The following LRP1B variants were observed in gnomAD, a reference collection of about 807,000 sequenced individuals.
LRP1B encodes LDL receptor related protein 1B.
A neutral mutation model predicts 556.6 loss-of-function variants in LRP1B; 217 were observed. The ratio of observed to expected loss-of-function variants is 0.39; its 90% CI spans 0.35 to 0.44. The LOEUF (loss-of-function observed/expected upper bound fraction) is 0.44, where lower values mean the gene tolerates loss of function less well. Among genes scored for constraint, LRP1B ranks in the 20% least tolerant of loss-of-function variants. The pLI is 1.00. For synonymous variants in LRP1B, 2,047 were observed against 1,865.8 expected (o/e 1.10, Z -2.50); for missense variants, 5,053 against 5,620.8 (o/e 0.90, Z 3.23).
intron 7 of LRP1B, among the ~76,000 whole-genome samples, chr2:141,121,501 T>C (rs1031446134): frequency 2.0e-5 from 3 of 152,122 alleles, no homozygotes; most frequent in South Asian, 2.1e-4. Context: ...CATTCACAAC[T>C]GCTTCAAAGA....
chr2:141,174,893 G>A (rs1680668084), intron 7 of LRP1B, among the ~76,000 whole-genome samples: 1 of 152,030 alleles, frequency 6.6e-6, no homozygotes. Flanking sequence ...TAACAAAATG[G>A]ACAATGAACC....
At chr2:140,302,858 A>G (rs763808691) in intron 83 of LRP1B, among the ~76,000 whole-genome samples, 1 of 151,766 alleles carries the variant, frequency 6.6e-6, no homozygotes, top group Non-Finnish European at 1.5e-5. Flanking sequence ...CCTTAGACTG[A>G]GAGTTACACA....
chr2:141,165,279 G>A (rs1680203525), intron 7 of LRP1B, among the ~76,000 whole-genome samples: 1 of 151,922 alleles, frequency 6.6e-6, no homozygotes, highest in Non-Finnish European at 1.5e-5. Context: ...CAAATTTTTT[G>A]ACACAGTCCA....
intron 7 of LRP1B, among the ~76,000 whole-genome samples, chr2:141,124,688 ATACTT>A (rs1197605301): frequency 3.3e-5 from 5 of 151,956 alleles, no homozygotes; most frequent in Middle Eastern, 6.8e-3. Flanking sequence ...AAAGAAAAAA[ATACTT>A]TAAAGAGCCC....
chr2:140,965,505 A>G (rs2105321085), intron 18 of LRP1B, among the ~76,000 whole-genome samples: 1 of 152,086 alleles, frequency 6.6e-6, no homozygotes, highest in Middle Eastern at 3.4e-3. Flanking sequence ...CTATACATGT[A>G]AATAATAGTT....
chr2:141,242,587 A>G (rs1683917918), intron 5 of LRP1B, among the ~76,000 whole-genome samples: 1 of 152,062 alleles, frequency 6.6e-6, no homozygotes, highest in Admixed American at 6.6e-5. Flanking sequence ...TATAAGCTGT[A>G]ATAGAATCCT....
intron 74 of LRP1B, among the ~76,000 whole-genome samples, chr2:140,357,447 C>T (rs1273984940): frequency 6.6e-6 from 1 of 151,250 alleles, no homozygotes; most frequent in African/African-American, 2.4e-5. Context: ...TAGGATCATA[C>T]ATTTAATTAT....
At chr2:141,623,187 C>T (rs1688565761) in intron 2 of LRP1B, among the ~76,000 whole-genome samples, 1 of 151,590 alleles carries the variant, frequency 6.6e-6, no homozygotes, top group South Asian at 2.1e-4. Flanking sequence ...AAAAAAAAAT[C>T]ACTTTTAAAG....
chr2:142,030,636 G>T (rs969514561), intron 1 of LRP1B, among the ~76,000 whole-genome samples: 2 of 151,870 alleles, frequency 1.3e-5, no homozygotes, highest in African/African-American at 4.8e-5. Context: ...AAAACCAGGG[G>T]CCCAGCTAGT....
chr2:141,254,417 A>G (rs1185199975), intron 4 of LRP1B, 105 bp downstream of exon 4: 1 of 1,136,228 alleles, frequency 8.8e-7, no homozygotes, highest in Middle Eastern at 2.1e-4. Flanking sequence ...AAAAGTTAAC[A>G]TAAACACTGT....
chr2:141,216,931 C>A (rs1682839497), intron 6 of LRP1B, among the ~76,000 whole-genome samples: 7 of 152,072 alleles, frequency 4.6e-5, no homozygotes, highest in Admixed American at 4.6e-4. Context: ...GTGGAAGGAA[C>A]TTGCCTTGTC....
At chr2:140,453,309 T>C (rs1686957567) in intron 62 of LRP1B, among the ~76,000 whole-genome samples, 1 of 152,044 alleles carries the variant, frequency 6.6e-6, no homozygotes, top group South Asian at 2.1e-4. Flanking sequence ...GGGTAAAATA[T>C]ACTTATCTTA....
At chr2:141,372,901 C>A (rs145490644) in intron 3 of LRP1B, among the ~76,000 whole-genome samples, 1 of 151,944 alleles carries the variant, frequency 6.6e-6, no homozygotes, top group South Asian at 2.1e-4. Context: ...TTTTCCTTAG[C>A]TAACTTTGGA....
Position 140,601,096 on chromosome 2 carries a change from AAAAC to A in LRP1B, c.6989+350_6989+353del, listed in dbSNP as rs202189017. On this transcript the variant is annotated intron_variant, in intron 42 of 90. Transcript: ENST00000389484. ...ACTTGATTAAAATGCAAAAAAAAAA[AAAAC>A]ACTCTTAGTCTTCCGTGTATGTTAA... Among the ~76,000 whole-genome samples the A allele has an allele frequency of 2.9e-3, 374 of 128,982 alleles. 5 individuals are homozygous for A. The Middle Eastern group carries it at 0.039, about 13-fold the overall frequency. 84.6% of individuals were successfully genotyped at this position (128,982 alleles called of 152,430 possible).
At chr2:140,926,745 G>T (rs369190198) in intron 20 of LRP1B, among the ~76,000 whole-genome samples, 2 of 152,080 alleles carry the variant, frequency 1.3e-5, no homozygotes, top group South Asian at 4.1e-4. Context: ...ATTTATAAAA[G>T]CTCAGAAATT....
chr2:140,750,303 G>T (rs929026660), intron 35 of LRP1B, among the ~76,000 whole-genome samples: 2 of 152,088 alleles, frequency 1.3e-5, no homozygotes, highest in South Asian at 2.1e-4. Context: ...AGGAAATAGG[G>T]CATGAAGAAT....
chr2:140,510,134 T>C, intron 51 of LRP1B, 78 bp from the exon 52 acceptor site: 1 of 1,484,554 alleles, frequency 6.7e-7, no homozygotes. Context: ...TTTTCTACAG[T>C]AAGGGGGGAA....
At chr2:140,334,693 A>C (rs1254900508) in intron 78 of LRP1B, 134 bp from the exon 79 acceptor site, 5 of 498,110 alleles carry the variant, frequency 1.0e-5, no homozygotes, top group Non-Finnish European at 1.8e-5. Context: ...GTCAACTCAA[A>C]ACACACAGAA....
At chr2:141,771,733 G>T (rs990378040) in intron 2 of LRP1B, among the ~76,000 whole-genome samples, 4 of 152,182 alleles carry the variant, frequency 2.6e-5, no homozygotes, top group Non-Finnish European at 4.4e-5. Context: ...TGTGATAAGT[G>T]TGGAGCTCTT....
Sources: gnomAD v4.1 joint callset for allele counts (sites outside exome capture counted in the v4.1 genomes callset) on GRCh38, gnomAD v4.1.1 for gene constraint, MANE v1.5 for transcripts, NCBI Gene and HGNC (gene_info 2026-07-23, HGNC 2026-07-21) for gene names.